The following ANP32A variants were observed in gnomAD, a reference collection of about 807,000 sequenced individuals.
The protein encoded by ANP32A is acidic nuclear phosphoprotein 32 family member A.
ANP32A carries 1 observed loss-of-function variant against 33.9 expected under a neutral mutation model. The observed-to-expected ratio is 0.03, with a 90% CI of 0.01 to 0.14. ANP32A has a LOEUF of 0.14. ANP32A is among the 10% of genes least tolerant of loss of function. The pLI, the probability that ANP32A is intolerant of heterozygous loss-of-function variation, is 1.00. For synonymous variants in ANP32A, 115 were observed against 120.5 expected, an observed-to-expected ratio of 0.95 and a Z score of 0.30; for missense variants, 155 against 306.0, an observed-to-expected ratio of 0.51 and a Z score of 3.68.
chr15:68,786,157 C>T (rs977670142), intron 3 of ANP32A, among the ~76,000 whole-genome samples: 6 of 152,150 alleles, frequency 3.9e-5, no homozygotes, highest in Non-Finnish European at 8.8e-5. Context: ...TACCCAACCT[C>T]CCCTATAAAC....
chr15:68,812,232 G>A (rs867097665), intron 1 of ANP32A, among the ~76,000 whole-genome samples: 16 of 152,332 alleles, frequency 1.1e-4, no homozygotes, highest in South Asian at 2.1e-4. Context: ...TGGAAGTGGC[G>A]GAAGCAGGAC....
chr15:68,793,179 G>A (rs544010631), intron 1 of ANP32A, among the ~76,000 whole-genome samples: 8 of 152,152 alleles, frequency 5.3e-5, no homozygotes, highest in African/African-American at 1.4e-4. Context: ...ACCAGGGAGC[G>A]GAGACCAGAG....
chr15:68,786,554 C>T (rs1255472395), intron 3 of ANP32A, among the ~76,000 whole-genome samples: 1 of 152,070 alleles, frequency 6.6e-6, no homozygotes, highest in Admixed American at 6.5e-5. Context: ...GATACCACGC[C>T]CGGCCTTATG....
At chr15:68,809,738 T>C (rs1894287701) in intron 1 of ANP32A, among the ~76,000 whole-genome samples, 1 of 152,176 alleles carries the variant, frequency 6.6e-6, no homozygotes. Flanking sequence ...GGCTTCGTGC[T>C]TGATGTACCA....
At chr15:68,782,788 C>G (rs1324357893) in intron 5 of ANP32A, 168 bp downstream of exon 5, 1 of 1,269,230 alleles carries the variant, frequency 7.9e-7, no homozygotes, top group Non-Finnish European at 1.1e-6. Flanking sequence ...AGTCTTGTCT[C>G]CCCAGAAACA....
intron 3 of ANP32A, among the ~76,000 whole-genome samples, chr15:68,785,768 G>C (rs1006134509): frequency 1.4e-4 from 21 of 152,194 alleles, no homozygotes; most frequent in African/African-American, 4.3e-4. Context: ...ACGTGCCTGA[G>C]TGCCTGACCC....
At chr15:68,796,876 C>T (rs1298941356) in intron 1 of ANP32A, among the ~76,000 whole-genome samples, 1 of 152,100 alleles carries the variant, frequency 6.6e-6, no homozygotes, top group Non-Finnish European at 1.5e-5. Context: ...AAAATTCTCT[C>T]GGTACATACA....
rs118073409 is a variant in ANP32A at position 68,794,814 on chromosome 15, G to A, written c.55-6895C>T. Reference sequence around the variant, plus strand: ...ATTTTGAAAGCTAGAAGGGCCTTAGGGATCTCCTAGGCCAGTGGCTTTCTA... The same window carrying A: ...ATTTTGAAAGCTAGAAGGGCCTTAGAGATCTCCTAGGCCAGTGGCTTTCTA... On this transcript the variant is annotated intron_variant, in intron 1 of 6. Transcript: ENST00000465139. 3.0e-3 allele frequency among the ~76,000 whole-genome samples: 463 copies of A among 152,282 alleles called. 2 individuals carry two copies. The highest frequency in any genetic ancestry group is 6.8e-3 in the Admixed American group (104 of 15,298).
intron 1 of ANP32A, among the ~76,000 whole-genome samples, chr15:68,797,840 T>C (rs1313565347): frequency 1.3e-5 from 2 of 152,062 alleles, no homozygotes; most frequent in Admixed American, 1.3e-4. Context: ...ACAGCCTTGC[T>C]AAGGTCTGAG....
intron 1 of ANP32A, among the ~76,000 whole-genome samples, chr15:68,811,464 G>C (rs1894310963): frequency 3.3e-5 from 5 of 152,152 alleles, no homozygotes. Flanking sequence ...AAGAAACCAG[G>C]AGGTTTCCAT....
intron 1 of ANP32A, chr15:68,790,235 T>C (rs1893982553): frequency 6.6e-6 from 1 of 152,082 alleles, no homozygotes. Flanking sequence ...AGACATGCGG[T>C]TTTTCTAGAC....
At chr15:68,806,353 G>A (rs1242051587) in intron 1 of ANP32A, among the ~76,000 whole-genome samples, 2 of 152,140 alleles carry the variant, frequency 1.3e-5, no homozygotes, top group Admixed American at 1.3e-4. Context: ...TCCTGATGAT[G>A]AACACCGGCC....
intron 1 of ANP32A, 38 bp from the exon 2 acceptor site, chr15:68,787,957 A>G: frequency 6.2e-7 from 1 of 1,613,160 alleles, no homozygotes; most frequent in Non-Finnish European, 8.5e-7. Context: ...GGGCTGAGGA[A>G]TGGGGCTGAA....
intron 1 of ANP32A, among the ~76,000 whole-genome samples, chr15:68,796,559 G>A (rs945592734): frequency 3.9e-5 from 6 of 152,226 alleles, no homozygotes; most frequent in African/African-American, 1.4e-4. Context: ...CCTACCTTCA[G>A]TGGATGCTGG....
intron 1 of ANP32A, among the ~76,000 whole-genome samples, chr15:68,819,566 G>A (rs966205457): frequency 6.6e-6 from 1 of 152,246 alleles, no homozygotes; most frequent in African/African-American, 2.4e-5. Context: ...TACCCACCAC[G>A]GGCGCCAGCT....
In ANP32A at chr15:68,780,914, C is replaced by T. The variant is rs1893858946; in HGVS notation, c.625-441G>A. ...ATCTAGTTTTGGCTTCAAGAGAAGA[C>T]CCCAGTTTAAGCAAATCCAGATTCT... is the stretch of plus-strand genomic sequence containing the variant. On this transcript the variant is annotated intron_variant, in intron 5 of 6. Transcript: ENST00000465139. This position sits in a 1 kb window ranked among gnomAD's most constrained non-coding sequence, Gnocchi z 4.3. 6.3e-6 allele frequency: 1 copy of T among 158,112 alleles called. No homozygotes were observed. The highest frequency in any genetic ancestry group is 1.4e-5 in the Non-Finnish European group (1 of 71,568). The allele number at this position is 158,112 out of a possible 1,614,324, so 9.8% of individuals were successfully genotyped here.
At chr15:68,783,896 G>A (rs1408001631) in intron 4 of ANP32A, among the ~76,000 whole-genome samples, 1 of 152,126 alleles carries the variant, frequency 6.6e-6, no homozygotes, top group Non-Finnish European at 1.5e-5. Flanking sequence ...AACCCCTCTA[G>A]CTCTGGACCT....
In ANP32A at chr15:68,784,522, T is replaced by C. The variant is rs1567034093; in HGVS notation, c.401A>G (p.Asn134Ser). 2 of 1,614,058 alleles carry C rather than the reference T, an allele frequency of 1.2e-6. No homozygotes were observed. Among genetic ancestry groups the C allele is most frequent in the Non-Finnish European group, 1.7e-6 (2 of 1,180,038 alleles). Reference sequence around the variant, plus strand: ...GAGTTGCGGGAGGAGCTTGAACACATTTTCTCGGTAGTCGTTCAGGTTGGT... The same window carrying C: ...GAGTTGCGGGAGGAGCTTGAACACACTTTCTCGGTAGTCGTTCAGGTTGGT... ...EVTNLNDYRE[N>S]VFKLLPQLTY... is the part of the protein sequence containing the mutation. Residue 134 changes from asparagine to serine, a missense_variant, in exon 4 of 7, where the codon AAT becomes AGT. Physicochemically the swap from Asn to Ser is conservative, Grantham distance 46. This residue lies in a region of ANP32A where 85 missense variants were observed against 183.8 expected (regional missense o/e 0.46). Coordinates refer to ENST00000465139, the MANE Select transcript of ANP32A (RefSeq NM_006305.4).
chr15:68,781,311 G>C lies in ANP32A; in HGVS notation c.625-838C>G, dbSNP rs554822743. ...ATAAGCTCTCCTTTACTGAAAGCTG[G>C]AAATATGCAGATGGTCAGTGAGATT... On this transcript the variant is annotated intron_variant, in intron 5 of 6. Coordinates refer to ENST00000465139, the MANE Select transcript of ANP32A (RefSeq NM_006305.4). 8 of 151,874 alleles carry C rather than the reference G, an allele frequency of 5.3e-5. No individual in the cohort carries two copies. The South Asian group carries it at 1.5e-3, about 28-fold the overall frequency. The allele number at this position is 151,874 out of a possible 1,614,324, so 9.4% of individuals were successfully genotyped here. A position where few individuals can be genotyped will look rare whatever the true frequency, so the allele number is the denominator to read the frequency against.
Sources: gnomAD v4.1 joint callset for allele counts (sites outside exome capture counted in the v4.1 genomes callset) on GRCh38, gnomAD v4.1.1 for gene constraint, gnomAD v4.1.1 regional missense constraint, Gnocchi (gnomAD v3.1) non-coding constraint, MANE v1.5 for transcripts, NCBI Gene and HGNC (gene_info 2026-07-23, HGNC 2026-07-21) for gene names.